Variants in TUSC3 observed in about 807,000 individuals in gnomAD.
TUSC3 encodes dolichyl-diphosphooligosaccharide--protein glycosyltransferase subunit TUSC3.
In TUSC3, 45 loss-of-function variants were observed where a neutral mutation model predicts 44.8. That is an observed-to-expected ratio of 1.00 (90% CI 0.79 to 1.29). TUSC3 has a LOEUF of 1.29. TUSC3 is among the 50% of genes most tolerant of loss of function. The pLI, the probability that TUSC3 is intolerant of heterozygous loss-of-function variation, is 0.00. For missense variants in TUSC3, 519 were observed against 437.9 expected, an observed-to-expected ratio of 1.19 and a Z score of -1.65; for synonymous variants, 212 against 152.9, an observed-to-expected ratio of 1.39 and a Z score of -2.85.
chr8:15,821,552 G>C, the TUSC3 span, among the ~76,000 whole-genome samples: 9 of 149,786 alleles, frequency 6.0e-5, no homozygotes, highest in Admixed American at 6.0e-4. Flanking sequence ...CCCACTATAA[G>C]ATTTCCCCCT....
chr8:15,455,050 G>A (rs988876572), intron 1 of TUSC3, among the ~76,000 whole-genome samples: 2 of 152,148 alleles, frequency 1.3e-5, no homozygotes, highest in Non-Finnish European at 2.9e-5. Context: ...GATCTTTGGG[G>A]AAGATGATGA....
intron 6 of TUSC3, among the ~76,000 whole-genome samples, chr8:15,712,396 A>G (rs2129200229): frequency 6.6e-6 from 1 of 152,228 alleles, no homozygotes; most frequent in South Asian, 2.1e-4. Flanking sequence ...AAACCTCATG[A>G]AAACATGTAA....
chr8:15,429,966 C>A (rs1231094013), intron 1 of TUSC3, among the ~76,000 whole-genome samples: 6 of 151,492 alleles, frequency 4.0e-5, no homozygotes, highest in Admixed American at 6.6e-5. Flanking sequence ...CAATAACAGC[C>A]TCTGAAATTG....
In TUSC3 at chr8:15,765,254, C is replaced by T. The variant is rs889611214; in HGVS notation, c.*1098C>T. On this transcript the variant is annotated 3_prime_UTR_variant, in exon 11 of 11. Coordinates refer to ENST00000503731, the MANE Select transcript of TUSC3 (RefSeq NM_006765.4). Reference sequence around the variant, plus strand: ...GAAAGCCAAAAATAAAGTTTATAACCAGGCCTTCAAACTCTCAAACATGGA... The same window carrying T: ...GAAAGCCAAAAATAAAGTTTATAACTAGGCCTTCAAACTCTCAAACATGGA... 4.6e-5 allele frequency: 7 copies of T among 151,966 alleles called. No homozygotes were observed. The highest frequency in any genetic ancestry group is 7.4e-5 in the Non-Finnish European group (5 of 67,926). 9.4% of individuals were successfully genotyped at this position (151,966 alleles called of 1,614,324 possible). A position where few individuals can be genotyped will look rare whatever the true frequency, so the allele number is the denominator to read the frequency against.
intron 6 of TUSC3, among the ~76,000 whole-genome samples, chr8:15,697,650 G>A (rs545600745): frequency 6.6e-6 from 1 of 152,278 alleles, no homozygotes; most frequent in South Asian, 2.1e-4. Flanking sequence ...CAAAGGAAGT[G>A]CATAGAAAAT....
At chr8:15,536,680 TCAAAAAAAAAAAAA>T (rs1377461057), upstream of TUSC3, among the ~76,000 whole-genome samples, 32 of 22,798 alleles carry the variant, frequency 1.4e-3, no homozygotes, top group African/African-American at 4.5e-3. Context: ...AGATTCCGTC[TCAAAAAAAAAAAAA>T]AAAAAAAAAA....
chr8:15,422,446 G>A (rs935883606), intron 1 of TUSC3, among the ~76,000 whole-genome samples: 3 of 152,152 alleles, frequency 2.0e-5, no homozygotes, highest in African/African-American at 4.8e-5. Context: ...GCAGGGTAAT[G>A]GAAGAGATGG....
At chr8:15,635,176 C>G (rs560080528) in intron 2 of TUSC3, among the ~76,000 whole-genome samples, 8 of 152,174 alleles carry the variant, frequency 5.3e-5, no homozygotes, top group African/African-American at 1.9e-4. Flanking sequence ...AGGACAGAAT[C>G]TTAAATTTTT....
chr8:15,807,267 C>G, the TUSC3 span: 1 of 602,558 alleles, frequency 1.7e-6, no homozygotes, highest in African/African-American at 1.8e-5. Context: ...CTTTGCTTGT[C>G]TAAAGATGGT....
At chr8:15,684,079 A>G (rs975378881) in intron 6 of TUSC3, among the ~76,000 whole-genome samples, 2 of 141,746 alleles carry the variant, frequency 1.4e-5, no homozygotes, top group African/African-American at 5.3e-5. Context: ...TTAGTATTTC[A>G]CTGCATTCAC....
the TUSC3 span, among the ~76,000 whole-genome samples, chr8:15,774,435 G>A: frequency 6.6e-6 from 1 of 152,070 alleles, no homozygotes; most frequent in South Asian, 2.1e-4. Flanking sequence ...ATATAAAGAT[G>A]GATGATTCGC....
downstream of TUSC3, among the ~76,000 whole-genome samples, chr8:15,767,504 A>G (rs1376529038): frequency 6.6e-6 from 1 of 151,824 alleles, no homozygotes; most frequent in Non-Finnish European, 1.5e-5. Flanking sequence ...TTACCAAACC[A>G]CTGTTTAAAA....
chr8:15,489,993 AT>A (rs1454136635), intron 2 of TUSC3, among the ~76,000 whole-genome samples: 1 of 152,178 alleles, frequency 6.6e-6, no homozygotes, highest in Non-Finnish European at 1.5e-5. Flanking sequence ...AAAATAAGAA[AT>A]TTATCTCCTT....
intron 7 of TUSC3, among the ~76,000 whole-genome samples, chr8:15,738,850 T>TTTTTTTTTTTTTTTTTTC (rs1811057719): frequency 7.0e-6 from 1 of 142,100 alleles, no homozygotes; most frequent in Non-Finnish European, 1.5e-5. Context: ...TTTTTTTTTT[T>TTTTTTTTTTTTTTTTTTC]GAGAGGGAGT....
chr8:15,534,023 T>G (rs1462582499), intron 2 of TUSC3, among the ~76,000 whole-genome samples: 1 of 152,094 alleles, frequency 6.6e-6, no homozygotes, highest in Non-Finnish European at 1.5e-5. Flanking sequence ...AAGGGAAACT[T>G]TAGAATGGCA....
intron 1 of TUSC3, among the ~76,000 whole-genome samples, chr8:15,571,356 T>C (rs1802870737): frequency 6.6e-6 from 1 of 152,164 alleles, no homozygotes; most frequent in Non-Finnish European, 1.5e-5. Flanking sequence ...AAAGCAAATA[T>C]TACAATAAAG....
rs549136298 is a variant in TUSC3, at chr8:15,641,332, G to A, written c.309-9365G>A. 2.8e-5 allele frequency among the ~76,000 whole-genome samples: 4 copies of A among 143,252 alleles called. No homozygotes were observed. In the East Asian group the frequency reaches 8.2e-4, roughly 29 times the overall value. The allele number at this position is 143,252 out of a possible 152,430, so 94.0% of individuals were successfully genotyped here. On this transcript the variant is annotated intron_variant, in intron 2 of 10. Coordinates refer to ENST00000503731, the MANE Select transcript of TUSC3 (RefSeq NM_006765.4). ...GCCAAGATTGTGCCACTGCACTCCG[G>A]CCTGGCGACAGAGAGAGAGACTCCG... is the stretch of plus-strand genomic sequence containing the variant.
chr8:15,721,499 A>G (rs754172488), intron 6 of TUSC3, among the ~76,000 whole-genome samples: 9 of 152,130 alleles, frequency 5.9e-5, no homozygotes, highest in Admixed American at 2.6e-4. Flanking sequence ...CTTTTCATAT[A>G]TACGTGATGT....
chr8:15,578,862 T>A (rs1803213972), intron 1 of TUSC3, among the ~76,000 whole-genome samples: 2 of 152,082 alleles, frequency 1.3e-5, no homozygotes, highest in African/African-American at 2.4e-5. Flanking sequence ...CCTCTTTTTC[T>A]ATTGATTGGA....
Sources: gnomAD v4.1 joint callset for allele counts (sites outside exome capture counted in the v4.1 genomes callset) on GRCh38, gnomAD v4.1.1 for gene constraint, MANE v1.5 for transcripts, NCBI Gene and HGNC (gene_info 2026-07-23, HGNC 2026-07-21) for gene names.